The following SCHIP1 variants were observed in gnomAD, a reference collection of about 807,000 sequenced individuals.
The protein encoded by SCHIP1 is schwannomin interacting protein 1.
SCHIP1 carries 8 observed loss-of-function variants against 29.7 expected under a neutral mutation model. That is an observed-to-expected ratio of 0.27 (90% CI 0.16 to 0.49). SCHIP1 has a LOEUF of 0.49. Ranked by LOEUF, SCHIP1 falls within the 20% of genes least tolerant of loss-of-function variation. The probability of loss-of-function intolerance (pLI) is 0.99; values close to 1 mark genes in which losing one functional copy is unlikely to be tolerated. For synonymous variants in SCHIP1, 76 were observed against 94.9 expected (o/e 0.80, Z 1.16); for missense variants, 193 against 294.6 (o/e 0.66, Z 2.52).
At chr3:159,458,825 C>A in the SCHIP1 span, among the ~76,000 whole-genome samples, 3 of 152,080 alleles carry the variant, frequency 2.0e-5, no homozygotes, top group Admixed American at 6.6e-5. Flanking sequence ...TAAAAGTATT[C>A]TTTTATCTGC....
chr3:159,448,069 CTCTGAG>C, the SCHIP1 span, among the ~76,000 whole-genome samples: 1 of 152,202 alleles, frequency 6.6e-6, no homozygotes, highest in Non-Finnish European at 1.5e-5. Context: ...AACTTCACCA[CTCTGAG>C]TCTGTTTCCT....
the SCHIP1 span, among the ~76,000 whole-genome samples, chr3:159,707,092 A>G: frequency 6.6e-6 from 1 of 152,230 alleles, no homozygotes; most frequent in African/African-American, 2.4e-5. Flanking sequence ...GGCAAGTGTT[A>G]CAAAGGAGGA....
At chr3:159,594,543 A>AC in the SCHIP1 span, among the ~76,000 whole-genome samples, 1 of 152,196 alleles carries the variant, frequency 6.6e-6, no homozygotes, top group Admixed American at 6.5e-5. Context: ...CCACTAAACC[A>AC]GCCATCAGTT....
chr3:159,286,148 G>T, the SCHIP1 span, among the ~76,000 whole-genome samples: 19 of 152,060 alleles, frequency 1.2e-4, no homozygotes, highest in Admixed American at 6.6e-5. Flanking sequence ...TGGGGGTTTG[G>T]TGTATAAACT....
chr3:159,395,492 T>G, the SCHIP1 span, among the ~76,000 whole-genome samples: 1 of 148,288 alleles, frequency 6.7e-6, no homozygotes, highest in Non-Finnish European at 1.5e-5. Context: ...CTGCTTTGAA[T>G]GTGTCCCAGA....
At chr3:159,427,285 G>A in the SCHIP1 span, among the ~76,000 whole-genome samples, 1 of 151,500 alleles carries the variant, frequency 6.6e-6, no homozygotes, top group South Asian at 2.1e-4. Context: ...CGACATGATT[G>A]TATATATAGA....
intron 1 of SCHIP1, among the ~76,000 whole-genome samples, chr3:159,851,760 C>T (rs1026851013): frequency 2.0e-5 from 3 of 152,138 alleles, no homozygotes; most frequent in African/African-American, 7.2e-5. Flanking sequence ...GCCACAGCCC[C>T]GGGAAGCATT....
chr3:159,385,588 AC>A, the SCHIP1 span, among the ~76,000 whole-genome samples: 134 of 59,790 alleles, frequency 2.2e-3, no homozygotes, highest in East Asian at 0.02. Flanking sequence ...AAAAAAAAAA[AC>A]CAAAAAAAAA....
chr3:159,586,596 G>A, the SCHIP1 span, among the ~76,000 whole-genome samples: 1 of 152,154 alleles, frequency 6.6e-6, no homozygotes, highest in African/African-American at 2.4e-5. Flanking sequence ...CATCACAGCA[G>A]ATCCCTGAGG....
At chr3:159,855,966 T>G (rs1430516826) in intron 1 of SCHIP1, among the ~76,000 whole-genome samples, 2 of 152,234 alleles carry the variant, frequency 1.3e-5, no homozygotes, top group Admixed American at 6.5e-5. Flanking sequence ...AGATGTTTCA[T>G]TAAGGACCTC....
chr3:159,447,529 C>T, the SCHIP1 span, among the ~76,000 whole-genome samples: 1 of 152,160 alleles, frequency 6.6e-6, no homozygotes, highest in Admixed American at 6.5e-5. Flanking sequence ...TAGTGTTCAG[C>T]CACTGTTCTA....
chr3:159,456,142 C>G, the SCHIP1 span, among the ~76,000 whole-genome samples: 7 of 152,122 alleles, frequency 4.6e-5, no homozygotes, highest in Non-Finnish European at 7.4e-5. Flanking sequence ...TTCCCTGAGC[C>G]GCTCTGTCAT....
chr3:159,885,895 G>C lies in SCHIP1; in HGVS notation c.150-312G>C, dbSNP rs149100702. On this transcript the variant is annotated intron_variant, in intron 2 of 6. Transcript: ENST00000445224. ...GGACCCCATTCATCTTGATTGACAG[G>C]ACTGTAAACTCAAAGACTCAACACA... Among the ~76,000 whole-genome samples the C allele has an allele frequency of 5.9e-5, 9 of 152,342 alleles. No homozygotes were observed. In the East Asian group the frequency reaches 1.7e-3, roughly 29 times the overall value.
the SCHIP1 span, among the ~76,000 whole-genome samples, chr3:159,408,400 T>TTGATA: frequency 6.8e-6 from 1 of 147,662 alleles, no homozygotes; most frequent in African/African-American, 2.5e-5. Context: ...TTTGCAATGA[T>TTGATA]AAAAAAAAAA....
chr3:159,459,495 C>T, the SCHIP1 span, among the ~76,000 whole-genome samples: 89 of 152,086 alleles, frequency 5.9e-4, no homozygotes, highest in African/African-American at 2.0e-3. Flanking sequence ...AAAAAGTCTA[C>T]ACATAACTAT....
intron 2 of SCHIP1, among the ~76,000 whole-genome samples, chr3:159,869,613 A>G (rs1715023089): frequency 6.6e-6 from 1 of 151,966 alleles, no homozygotes; most frequent in Admixed American, 6.6e-5. Context: ...CAATAGCTTC[A>G]AAATAAGTCC....
chr3:159,495,801 T>A, the SCHIP1 span, among the ~76,000 whole-genome samples: 1 of 152,012 alleles, frequency 6.6e-6, no homozygotes, highest in African/African-American at 2.4e-5. Context: ...CATCACCAAG[T>A]CAATCCTAAG....
At chr3:159,456,865 A>T in the SCHIP1 span, among the ~76,000 whole-genome samples, 1 of 152,184 alleles carries the variant, frequency 6.6e-6, no homozygotes, top group Non-Finnish European at 1.5e-5. Flanking sequence ...TATGCAGAAA[A>T]TTTTAAAGAT....
At chr3:159,509,165 A>G in the SCHIP1 span, among the ~76,000 whole-genome samples, 3 of 152,190 alleles carry the variant, frequency 2.0e-5, no homozygotes, top group Admixed American at 1.3e-4. Context: ...TATTGGGTGC[A>G]TATATATTTA....
Sources: allele counts gnomAD v4.1 joint callset (sites outside exome capture counted in the v4.1 genomes callset), GRCh38; gene constraint gnomAD v4.1.1; transcripts MANE v1.5; gene names NCBI Gene and HGNC (gene_info 2026-07-23, HGNC 2026-07-21).